The following NTM variants were observed in gnomAD, a reference collection of about 807,000 sequenced individuals.
The protein encoded by NTM is neurotrimin.
In NTM, 13 loss-of-function variants were observed where a neutral mutation model predicts 42.1. The observed-to-expected ratio is 0.31, with a 90% CI of 0.20 to 0.49. The LOEUF (loss-of-function observed/expected upper bound fraction) is 0.49. Among genes scored for constraint, NTM ranks in the 20% least tolerant of loss-of-function variants. The probability of loss-of-function intolerance (pLI) is 0.99; values close to 1 mark genes in which losing one functional copy is unlikely to be tolerated. For synonymous variants in NTM, 187 were observed against 179.2 expected (o/e 1.04, Z -0.35); for missense variants, 373 against 452.8 (o/e 0.82, Z 1.60).
chr11:132,315,976 GAGACCAGGATTAGGAA>G (rs2095418409), intron 7 of NTM, among the ~76,000 whole-genome samples: 1 of 152,104 alleles, frequency 6.6e-6, no homozygotes, highest in African/African-American at 2.4e-5. Flanking sequence ...TGCATGAACA[GAGACCAGGATTAGGAA>G]GGAACAGACC....
intron 1 of NTM, among the ~76,000 whole-genome samples, chr11:131,458,716 G>T (rs1326888372): frequency 6.6e-6 from 1 of 152,224 alleles, no homozygotes; most frequent in Non-Finnish European, 1.5e-5. Flanking sequence ...TTTGAGAGTA[G>T]TTACCAATCT....
chr11:131,644,186 T>C (rs1416833026), intron 1 of NTM, among the ~76,000 whole-genome samples: 1 of 152,144 alleles, frequency 6.6e-6, no homozygotes, highest in East Asian at 1.9e-4. Flanking sequence ...TAGCTGAGAC[T>C]GATACTGTCA....
chr11:131,400,343 G>C (rs1302786802), intron 1 of NTM, among the ~76,000 whole-genome samples: 2 of 152,150 alleles, frequency 1.3e-5, no homozygotes. Context: ...TGAAGACCAT[G>C]CTCATTTTCT....
intron 1 of NTM, among the ~76,000 whole-genome samples, chr11:131,436,443 T>C (rs576790882): frequency 1.3e-5 from 2 of 152,326 alleles, no homozygotes; most frequent in South Asian, 4.1e-4. Flanking sequence ...GGCTATTAAT[T>C]ATTGCCTCAA....
intron 1 of NTM, among the ~76,000 whole-genome samples, chr11:131,890,959 A>G (rs966832458): frequency 2.6e-5 from 4 of 152,172 alleles, no homozygotes; most frequent in African/African-American, 9.7e-5. Context: ...TTCAGGGTGC[A>G]AATGAATTCC....
chr11:132,194,519 G>A (rs887181275), intron 3 of NTM, among the ~76,000 whole-genome samples: 6 of 152,048 alleles, frequency 3.9e-5, no homozygotes, highest in African/African-American at 1.2e-4. Flanking sequence ...AATACTGAAC[G>A]GACAAAAGCT....
chr11:132,013,152 G>C (rs888227710), intron 2 of NTM, among the ~76,000 whole-genome samples: 1 of 152,146 alleles, frequency 6.6e-6, no homozygotes, highest in Non-Finnish European at 1.5e-5. Context: ...AGTCAACAGA[G>C]ACTAGAACAA....
chr11:131,398,048 T>G (rs1944749106), intron 1 of NTM, among the ~76,000 whole-genome samples: 1 of 152,372 alleles, frequency 6.6e-6, no homozygotes, highest in Admixed American at 6.5e-5. Flanking sequence ...TAATAGCAAC[T>G]GATCACTGTG....
chr11:131,504,564 C>CT (rs2136400915), intron 1 of NTM, among the ~76,000 whole-genome samples: 1 of 152,266 alleles, frequency 6.6e-6, no homozygotes, highest in East Asian at 1.9e-4. Context: ...TCACACAGCG[C>CT]TGGGGTTCTC....
In NTM at chr11:131,687,982, G is replaced by A. The variant is rs116389993; in HGVS notation, c.83-223582G>A. Among the ~76,000 whole-genome samples, 940 of 152,292 alleles carry A rather than the reference G, an allele frequency of 6.2e-3. 12 individuals carry two copies. Among genetic ancestry groups the A allele is most frequent in the African/African-American group, 0.021 (884 of 41,568 alleles). ...CACGCAGGCCTCTGGAGTCGTTGAT[G>A]GAATAGCCCTCCTCTGAATGGAAAT... is the stretch of plus-strand genomic sequence containing the variant. On this transcript the variant is annotated intron_variant, in intron 1 of 8. Coordinates refer to ENST00000683400, the MANE Select transcript of NTM (RefSeq NM_001352005.2).
intron 2 of NTM, among the ~76,000 whole-genome samples, chr11:132,050,730 C>T (rs1024048037): frequency 6.6e-6 from 1 of 152,170 alleles, no homozygotes; most frequent in African/African-American, 2.4e-5. Flanking sequence ...GCAAAAGGTG[C>T]CCAGGCCACC....
At chr11:132,132,570 G>A (rs575466179) in intron 2 of NTM, among the ~76,000 whole-genome samples, 1 of 152,122 alleles carries the variant, frequency 6.6e-6, no homozygotes, top group African/African-American at 2.4e-5. Flanking sequence ...GGGAGGGAAC[G>A]ATAGCATCCG....
intron 1 of NTM, among the ~76,000 whole-genome samples, chr11:131,730,735 G>GAA (rs4053973): frequency 1.4e-5 from 2 of 146,216 alleles, no homozygotes; most frequent in Non-Finnish European, 1.5e-5. Context: ...AAGAAGAAGA[G>GAA]AAGAAGACGA....
chr11:131,748,644 G>A (rs1472438196), intron 1 of NTM, among the ~76,000 whole-genome samples: 5 of 152,178 alleles, frequency 3.3e-5, no homozygotes, highest in Admixed American at 2.6e-4. Context: ...GAGAGCCTCT[G>A]AGTGAATCAC....
chr11:132,330,833 G>A (rs554203537), intron 8 of NTM, among the ~76,000 whole-genome samples: 5 of 152,304 alleles, frequency 3.3e-5, no homozygotes, highest in South Asian at 2.1e-4. Flanking sequence ...GAGTGGAGGC[G>A]TGGCTGAATG....
At chr11:131,704,925 A>G (rs2076441793) in intron 1 of NTM, among the ~76,000 whole-genome samples, 1 of 152,294 alleles carries the variant, frequency 6.6e-6, no homozygotes, top group East Asian at 1.9e-4. Flanking sequence ...CCCAGGCAGA[A>G]GAATAAAGAG....
chr11:132,132,110 G>A (rs1468033598), intron 2 of NTM, among the ~76,000 whole-genome samples: 1 of 149,596 alleles, frequency 6.7e-6, no homozygotes, highest in Non-Finnish European at 1.5e-5. Flanking sequence ...TCAAGTGCCC[G>A]AGGATACATT....
At chr11:131,964,179 G>C (rs1401382193) in intron 2 of NTM, among the ~76,000 whole-genome samples, 2 of 152,166 alleles carry the variant, frequency 1.3e-5, no homozygotes, top group East Asian at 3.9e-4. Context: ...AGCTGGAGAA[G>C]ACAGTTCTCA....
At chr11:131,629,648 T>C (rs2063464461) in intron 1 of NTM, among the ~76,000 whole-genome samples, 1 of 152,186 alleles carries the variant, frequency 6.6e-6, no homozygotes, top group Admixed American at 6.5e-5. Flanking sequence ...CCCTGGAGGA[T>C]GCATGGCTAC....
Sources: allele counts gnomAD v4.1 joint callset (sites outside exome capture counted in the v4.1 genomes callset), GRCh38; gene constraint gnomAD v4.1.1; transcripts MANE v1.5; gene names NCBI Gene and HGNC (gene_info 2026-07-23, HGNC 2026-07-21).